KSR2: variants seen among roughly 807,000 people sequenced by gnomAD.
The protein encoded by KSR2 is kinase suppressor of ras 2.
A neutral mutation model predicts 107.8 loss-of-function variants in KSR2; 25 were observed. The observed-to-expected ratio is 0.23, with a 90% CI of 0.17 to 0.32. KSR2 has a LOEUF of 0.32. KSR2 is among the 10% of genes least tolerant of loss of function. The probability of loss-of-function intolerance (pLI) is 1.00; values close to 1 mark genes in which losing one functional copy is unlikely to be tolerated. For missense variants in KSR2, 887 were observed against 1,268.9 expected (o/e 0.70, Z 4.57); for synonymous variants, 480 against 507.0 (o/e 0.95, Z 0.71).
intron 3 of KSR2, among the ~76,000 whole-genome samples, chr12:117,795,157 T>C (rs1593246530): frequency 6.6e-6 from 1 of 152,210 alleles, no homozygotes; most frequent in Non-Finnish European, 1.5e-5. Context: ...TTCCAGCCTC[T>C]GGAAACGGGT....
chr12:117,888,042 A>G (rs1894228444), intron 1 of KSR2, among the ~76,000 whole-genome samples: 1 of 152,192 alleles, frequency 6.6e-6, no homozygotes, highest in South Asian at 2.1e-4. Context: ...TTCCACACCC[A>G]GTGCCTACCT....
chr12:117,634,590 A>G (rs4767591), intron 5 of KSR2, among the ~76,000 whole-genome samples: 80,443 of 151,816 alleles, frequency 0.53, 22,554 homozygotes, highest in South Asian at 0.71. Flanking sequence ...ACAAGCGAGG[A>G]GGAATTGCCC....
chr12:117,854,023 C>A (rs1893011931), intron 3 of KSR2, among the ~76,000 whole-genome samples: 1 of 152,072 alleles, frequency 6.6e-6, no homozygotes, highest in Non-Finnish European at 1.5e-5. Context: ...ATTTTTGAGA[C>A]AGGATCTTGC....
At chr12:117,490,449 C>T (rs1416378428) in intron 14 of KSR2, among the ~76,000 whole-genome samples, 1 of 152,232 alleles carries the variant, frequency 6.6e-6, no homozygotes, top group Admixed American at 6.5e-5. Flanking sequence ...CTTGCTGTAT[C>T]TCGTTGATTC....
chr12:117,635,418 C>T (rs1374192329), intron 5 of KSR2, among the ~76,000 whole-genome samples: 2 of 152,044 alleles, frequency 1.3e-5, no homozygotes, highest in African/African-American at 2.4e-5. Context: ...TGTTTTTCCT[C>T]TAACTAGTGA....
At chr12:117,956,119 G>A (rs113131141) in intron 1 of KSR2, among the ~76,000 whole-genome samples, 1,925 of 151,172 alleles carry the variant, frequency 0.013, 42 homozygotes, top group African/African-American at 0.043. Context: ...GCGTGGTGGC[G>A]GGCGCCTGTA....
At chr12:117,899,303 G>A (rs1894610045) in intron 1 of KSR2, among the ~76,000 whole-genome samples, 1 of 151,916 alleles carries the variant, frequency 6.6e-6, no homozygotes. Context: ...GACCAGCCTG[G>A]GCAATATAAC....
At chr12:117,736,444 G>A (rs1004622830) in intron 4 of KSR2, among the ~76,000 whole-genome samples, 8 of 152,094 alleles carry the variant, frequency 5.3e-5, no homozygotes, top group Admixed American at 3.9e-4. Flanking sequence ...GTAACTATTC[G>A]TTGAATTTAC....
chr12:117,906,916 G>T (rs1894871388), intron 1 of KSR2, among the ~76,000 whole-genome samples: 1 of 151,908 alleles, frequency 6.6e-6, no homozygotes, highest in Non-Finnish European at 1.5e-5. Context: ...AGTCCTAAGT[G>T]GCTGAGGCAG....
At chr12:117,770,115 A>G (rs1301429258) in intron 3 of KSR2, among the ~76,000 whole-genome samples, 2 of 152,134 alleles carry the variant, frequency 1.3e-5, no homozygotes, top group South Asian at 2.1e-4. Flanking sequence ...TAACTCTGAC[A>G]GAAAGAAAGC....
chr12:117,622,998 G>T (rs940889909), intron 5 of KSR2, among the ~76,000 whole-genome samples: 2 of 152,166 alleles, frequency 1.3e-5, no homozygotes, highest in Non-Finnish European at 2.9e-5. Context: ...TCAAAGCACA[G>T]GTATTAACAG....
intron 4 of KSR2, among the ~76,000 whole-genome samples, chr12:117,749,824 G>A (rs924377783): frequency 6.6e-6 from 1 of 152,132 alleles, no homozygotes; most frequent in Admixed American, 6.5e-5. Flanking sequence ...TTGTGGCATG[G>A]TCTTAATGGA....
intron 14 of KSR2, among the ~76,000 whole-genome samples, chr12:117,514,226 C>T (rs367626640): frequency 8.2e-4 from 125 of 152,336 alleles, no homozygotes; most frequent in South Asian, 6.0e-3. Flanking sequence ...CTTTCCCCTA[C>T]GGGAGGCATG....
At chr12:117,726,693 C>G (rs888242445) in intron 4 of KSR2, among the ~76,000 whole-genome samples, 1 of 152,216 alleles carries the variant, frequency 6.6e-6, no homozygotes, top group South Asian at 2.1e-4. Context: ...CTTGTCACAC[C>G]TGCTGGTGGG....
At chr12:117,700,299 G>A (rs1204834182) in intron 4 of KSR2, among the ~76,000 whole-genome samples, 1 of 152,176 alleles carries the variant, frequency 6.6e-6, no homozygotes, top group African/African-American at 2.4e-5. Context: ...CTACAGGGTG[G>A]TGGAGGCAGG....
In KSR2 at chr12:117,539,774, A is replaced by G; in HGVS notation, c.1632T>C (p.Ser544=). ...TGCACTGTGGGGAAGGGTGTAGGGG[A>G]GAAGGCGGCGTGGCACTAGGAGGGA... ...PPLPPSATPP[S]PLHPSPQCTR... The change falls in exon 10 of 20, where the codon TCT becomes TCC. Residue 544 remains serine, a synonymous_variant. Transcript: ENST00000339824. The G allele has an allele frequency of 6.2e-7, 1 of 1,606,850 alleles. No individual in the cohort carries two copies. The highest frequency in any genetic ancestry group is 2.2e-5 in the East Asian group (1 of 44,450).
intron 5 of KSR2, among the ~76,000 whole-genome samples, chr12:117,607,109 A>G (rs1881318770): frequency 6.6e-6 from 1 of 152,130 alleles, no homozygotes; most frequent in Non-Finnish European, 1.5e-5. Context: ...CTCAATGACA[A>G]TGAGCTCTTC....
chr12:117,761,873 G>T (rs936409549), intron 3 of KSR2, among the ~76,000 whole-genome samples: 11 of 152,110 alleles, frequency 7.2e-5, no homozygotes, highest in African/African-American at 2.2e-4. Flanking sequence ...TACACCATAT[G>T]CATGTCACAT....
chr12:117,840,684 C>T (rs1338328192), intron 3 of KSR2, among the ~76,000 whole-genome samples: 1 of 152,116 alleles, frequency 6.6e-6, no homozygotes, highest in Non-Finnish European at 1.5e-5. Flanking sequence ...GCGTAAGCCA[C>T]CACGCCTGTC....
Sources: gnomAD v4.1 joint callset for allele counts (sites outside exome capture counted in the v4.1 genomes callset) on GRCh38, gnomAD v4.1.1 for gene constraint, MANE v1.5 for transcripts, NCBI Gene and HGNC (gene_info 2026-07-23, HGNC 2026-07-21) for gene names.